The following KAZN variants were observed in gnomAD, a reference collection of about 807,000 sequenced individuals.
KAZN encodes kazrin, periplakin interacting protein.
A neutral mutation model predicts 87.4 loss-of-function variants in KAZN; 40 were observed. The observed-to-expected ratio is 0.46, with a 90% CI of 0.36 to 0.60. The LOEUF is 0.60. Ranked by LOEUF, KAZN falls within the 20% of genes least tolerant of loss-of-function variation. The pLI, the probability that KAZN is intolerant of heterozygous loss-of-function variation, is 0.00. For synonymous variants in KAZN, 466 were observed against 458.3 expected, an observed-to-expected ratio of 1.02 and a Z score of -0.22; for missense variants, 898 against 1,073.9, an observed-to-expected ratio of 0.84 and a Z score of 2.29.
intron 1 of KAZN, among the ~76,000 whole-genome samples, chr1:14,807,158 T>A (rs1646249132): frequency 1.3e-5 from 2 of 152,170 alleles, no homozygotes; most frequent in Non-Finnish European, 2.9e-5. Context: ...GGTGCAGATC[T>A]GGGCAGGCAC....
chr1:14,410,355 G>A (rs1664208387), intron 2 of KAZN, among the ~76,000 whole-genome samples: 1 of 152,168 alleles, frequency 6.6e-6, no homozygotes, highest in Non-Finnish European at 1.5e-5. Flanking sequence ...ACCCACCTCG[G>A]CCTTCCAAAG....
chr1:15,013,768 A>T (rs899235353), intron 2 of KAZN, among the ~76,000 whole-genome samples: 1 of 149,052 alleles, frequency 6.7e-6, no homozygotes, highest in Admixed American at 6.7e-5. Context: ...AAAAAAAAAG[A>T]GAGAGATGGG....
intron 1 of KAZN, among the ~76,000 whole-genome samples, chr1:13,985,473 G>A (rs1013599403): frequency 1.7e-4 from 24 of 143,634 alleles, no homozygotes; most frequent in African/African-American, 5.7e-4. Context: ...ACCAAACACC[G>A]CATATTCTCA....
In KAZN at chr1:14,794,579, G is replaced by C. The variant is rs114630609; in HGVS notation, c.227-166105G>C. 4.1e-3 allele frequency among the ~76,000 whole-genome samples: 622 copies of C among 152,320 alleles called. 1 individual carries two copies. The highest frequency in any genetic ancestry group is 0.014 in the African/African-American group (596 of 41,566). ...GTGTGTGGTGTTTGCCAATTTCCTT[G>C]ATGTAAATACTTAAGCTACTTACTT... is the stretch of plus-strand genomic sequence containing the variant. On this transcript the variant is annotated intron_variant, in intron 1 of 14. Coordinates refer to ENST00000376030, the MANE Select transcript of KAZN (RefSeq NM_201628.3).
intron 1 of KAZN, among the ~76,000 whole-genome samples, chr1:14,144,913 C>A (rs1645313892): frequency 6.6e-6 from 1 of 152,192 alleles, no homozygotes; most frequent in Non-Finnish European, 1.5e-5. Flanking sequence ...ACTGGCATGA[C>A]CCAATAGCCT....
chr1:14,403,964 C>T (rs1049994303), intron 2 of KAZN, among the ~76,000 whole-genome samples: 3 of 152,128 alleles, frequency 2.0e-5, no homozygotes, highest in Non-Finnish European at 4.4e-5. Flanking sequence ...TGGGTTGCCG[C>T]TTCTGCAGTG....
At chr1:14,484,798 T>G (rs1285528344) in intron 2 of KAZN, among the ~76,000 whole-genome samples, 1 of 152,226 alleles carries the variant, frequency 6.6e-6, no homozygotes, top group Non-Finnish European at 1.5e-5. Flanking sequence ...TTGATTCAGC[T>G]TTGCTCTGGG....
chr1:14,485,258 A>G (rs1218108933), intron 2 of KAZN, among the ~76,000 whole-genome samples: 3 of 152,194 alleles, frequency 2.0e-5, no homozygotes, highest in African/African-American at 7.2e-5. Context: ...AGAAACACCA[A>G]ATTCTCACAT....
At chr1:13,958,296 T>A (rs867556587) in intron 1 of KAZN, among the ~76,000 whole-genome samples, 1 of 152,072 alleles carries the variant, frequency 6.6e-6, no homozygotes, top group East Asian at 1.9e-4. Flanking sequence ...ATTGGCTGGG[T>A]GCGGTGGCTC....
At chr1:14,654,091 G>C (rs192212088) in intron 1 of KAZN, among the ~76,000 whole-genome samples, 73 of 152,264 alleles carry the variant, frequency 4.8e-4, no homozygotes, top group African/African-American at 1.6e-3. Context: ...TTCAAGACCA[G>C]CCTGGCCAAC....
intron 1 of KAZN, among the ~76,000 whole-genome samples, chr1:13,898,687 A>C (rs937894535): frequency 6.6e-6 from 1 of 152,122 alleles, no homozygotes; most frequent in African/African-American, 2.4e-5. Context: ...CCTTGTTTGC[A>C]TGATTAGTGA....
intron 1 of KAZN, among the ~76,000 whole-genome samples, chr1:14,028,356 C>G (rs1213315819): frequency 6.6e-6 from 1 of 152,156 alleles, no homozygotes; most frequent in African/African-American, 2.4e-5. Context: ...CATATTGTAG[C>G]CTGAGATGTG....
chr1:14,277,325 A>G (rs1426010249), intron 2 of KAZN, among the ~76,000 whole-genome samples: 1 of 152,182 alleles, frequency 6.6e-6, no homozygotes, highest in Admixed American at 6.5e-5. Flanking sequence ...CACAGCCACA[A>G]TGCCATTTGT....
At chr1:14,004,176 C>A (rs1639937412) in intron 1 of KAZN, among the ~76,000 whole-genome samples, 1 of 151,274 alleles carries the variant, frequency 6.6e-6, no homozygotes, top group South Asian at 2.1e-4. Context: ...TGATATACAA[C>A]TATGCCCACA....
At position 14,480,471 on chromosome 1, in the gene KAZN, A is replaced by G. The variant is rs142107503; in HGVS notation, c.250-118512A>G. On this transcript the variant is annotated intron_variant, in intron 2 of 16. Coordinates refer to the KAZN transcript ENST00000636203. ...GATGTACTATACAGAGTTTGCATAG[A>G]TGTATAAGGGACGAGAGTTCTAAAA... is the stretch of plus-strand genomic sequence containing the variant. Among the ~76,000 whole-genome samples the G allele has an allele frequency of 1.2e-3, 177 of 151,810 alleles. 4 individuals are homozygous for G. The East Asian group carries it at 0.029, about 25-fold the overall frequency.
chr1:14,327,629 G>A (rs1656533225), intron 2 of KAZN, among the ~76,000 whole-genome samples: 1 of 152,166 alleles, frequency 6.6e-6, no homozygotes, highest in African/African-American at 2.4e-5. Context: ...GAACACAAGT[G>A]CCCATCAATA....
chr1:14,760,271 G>A (rs1003530), intron 1 of KAZN, among the ~76,000 whole-genome samples: 2 of 151,866 alleles, frequency 1.3e-5, no homozygotes, highest in African/African-American at 2.4e-5. Flanking sequence ...TCTGAGAAAC[G>A]CCCCCAAGAT....
chr1:15,017,766 T>C (rs1670270782), intron 2 of KAZN, among the ~76,000 whole-genome samples: 1 of 151,906 alleles, frequency 6.6e-6, no homozygotes, highest in Non-Finnish European at 1.5e-5. Flanking sequence ...ATTGCACCAT[T>C]GCACTCCAGC....
chr1:14,277,430 C>A (rs541451287), intron 2 of KAZN, among the ~76,000 whole-genome samples: 2 of 152,212 alleles, frequency 1.3e-5, no homozygotes, highest in South Asian at 4.1e-4. Flanking sequence ...CTTTGGGAGG[C>A]CGAGGCGGGT....
Sources: allele counts gnomAD v4.1 joint callset (sites outside exome capture counted in the v4.1 genomes callset), GRCh38; gene constraint gnomAD v4.1.1; transcripts MANE v1.5; gene names NCBI Gene and HGNC (gene_info 2026-07-23, HGNC 2026-07-21).